The following PWWP3B variants were observed in gnomAD, a reference collection of about 807,000 sequenced individuals.
PWWP3B encodes the protein PWWP domain-containing DNA repair factor 3B.
A neutral mutation model predicts 15.7 loss-of-function variants in PWWP3B; 5 were observed. The ratio of observed to expected loss-of-function variants is 0.32; its 90% CI spans 0.17 to 0.67. PWWP3B has a LOEUF of 0.67. Among genes scored for constraint, PWWP3B ranks in the 30% least tolerant of loss-of-function variants. PWWP3B has a pLI of 0.74. For synonymous variants in PWWP3B, 203 were observed against 179.8 expected, an observed-to-expected ratio of 1.13 and a Z score of -1.03; for missense variants, 519 against 493.1, an observed-to-expected ratio of 1.05 and a Z score of -0.50.
chrX:106,183,011 C>G (rs1922298911), intron 2 of PWWP3B, among the ~76,000 whole-genome samples: 1 of 110,947 alleles, frequency 9.0e-6, no homozygotes, highest in South Asian at 3.9e-4. Context: ...TCCTGGGACT[C>G]CTGAGCTGAC....
chrX:106,168,495 CTGTGAGGGAATTAATATCTGTGTTT>C (rs1466450035), intron 1 of PWWP3B, 70 bp downstream of exon 1: 1 of 112,189 alleles, frequency 8.9e-6, no homozygotes, highest in Non-Finnish European at 1.9e-5. Context: ...GTCGTTGTTT[CTGTGAGGGAATTAATATCTGTGTTT>C]TGTGTTCCTT....
In PWWP3B at chrX:106,207,665, C is replaced by A; in HGVS notation, c.*142C>A. 1.9e-6 allele frequency: 1 copy of A among 521,115 alleles called. No homozygotes were observed. Among genetic ancestry groups the A allele is most frequent in the Non-Finnish European group, 2.9e-6 (1 of 348,891 alleles). The allele number at this position is 521,115 out of a possible 1,213,427, so 42.9% of individuals were successfully genotyped here. ...CACTTTTTTTTGAGATCTCTAGGAT[C>A]TGTGGTTATAATTACATCTTTATTT... On this transcript the variant is annotated 3_prime_UTR_variant, in exon 4 of 4. Transcript: ENST00000357175.
chrX:106,198,920 A>G (rs1923533912), intron 2 of PWWP3B, among the ~76,000 whole-genome samples: 1 of 111,581 alleles, frequency 9.0e-6, no homozygotes, highest in African/African-American at 3.3e-5. Context: ...TATATAATAA[A>G]ATAAATCTCT....
intron 2 of PWWP3B, among the ~76,000 whole-genome samples, chrX:106,201,004 C>T (rs929214420): frequency 9.2e-6 from 1 of 108,160 alleles, no homozygotes; most frequent in East Asian, 2.9e-4. Flanking sequence ...GCCGAGATCA[C>T]GCCACTGCAC....
At chrX:106,196,315 G>A (rs2147624772) in intron 2 of PWWP3B, among the ~76,000 whole-genome samples, 1 of 111,800 alleles carries the variant, frequency 8.9e-6, no homozygotes, top group South Asian at 3.7e-4. Flanking sequence ...GATCGCCAAT[G>A]TAATGCTAAA....
chrX:106,184,129 C>T (rs948414780), intron 2 of PWWP3B, among the ~76,000 whole-genome samples: 1 of 111,533 alleles, frequency 9.0e-6, no homozygotes, highest in Admixed American at 9.5e-5. Context: ...TCTCGCTTTT[C>T]CTTTTTGGCC....
In PWWP3B at chrX:106,207,288, A is replaced by C. The variant is rs1924099074; in HGVS notation, c.1856A>C (p.Gln619Pro). Residue 619 changes from glutamine to proline, a missense_variant, in exon 4 of 4, where the codon CAA (glutamine) becomes CCA (proline). Coordinates refer to ENST00000357175, the MANE Select transcript of PWWP3B (RefSeq NM_001171020.2). ...VVKYLQEVCN[Q>P]IDQIMPTWIK... ...AAATATTTACAAGAAGTCTGCAATC[A>C]AATAGATCAAATAATGCCAACTTGG... 1 of 1,209,246 alleles carries C rather than the reference A, an allele frequency of 8.3e-7. No homozygotes were observed. The highest frequency in any genetic ancestry group is 3.0e-5 in the East Asian group (1 of 33,810).
intron 2 of PWWP3B, among the ~76,000 whole-genome samples, chrX:106,173,202 C>A (rs1921711551): frequency 9.0e-6 from 1 of 111,215 alleles, no homozygotes; most frequent in African/African-American, 3.3e-5. Context: ...GTAGTGGCAG[C>A]TTAGAAAAGA....
At chrX:106,193,928 T>G (rs1447081917) in intron 2 of PWWP3B, among the ~76,000 whole-genome samples, 1 of 112,408 alleles carries the variant, frequency 8.9e-6, no homozygotes, top group Non-Finnish European at 1.9e-5. Context: ...CTGATGGGCT[T>G]CCCTTTGTGG....
chrX:106,207,670 G>A lies in PWWP3B; in HGVS notation c.*147G>A, dbSNP rs1251928721. 2.1e-6 allele frequency: 1 copy of A among 482,237 alleles called. No homozygotes were observed. The highest frequency in any genetic ancestry group is 3.1e-6 in the Non-Finnish European group (1 of 317,963). The allele number at this position is 482,237 out of a possible 1,213,427, so 39.7% of individuals were successfully genotyped here. Reference sequence around the variant, plus strand: ...TTTTTTGAGATCTCTAGGATCTGTGGTTATAATTACATCTTTATTTCCTTT... The same window carrying A: ...TTTTTTGAGATCTCTAGGATCTGTGATTATAATTACATCTTTATTTCCTTT... On this transcript the variant is annotated 3_prime_UTR_variant, in exon 4 of 4. Transcript: ENST00000357175.
In PWWP3B at chrX:106,206,999, A is replaced by G. The variant is rs201879149; in HGVS notation, c.1567A>G (p.Arg523Gly). The change falls in exon 4 of 4, where the codon AGG becomes GGG. Residue 523 changes from arginine to glycine, a missense_variant. Coordinates refer to ENST00000357175, the MANE Select transcript of PWWP3B (RefSeq NM_001171020.2). The part of the protein sequence containing the change: ...KFPKLHNEDA[R>G]EPMAVTSQTK... The stretch of plus-strand genomic sequence containing the variant: ...TCCAAAGCTGCATAATGAAGATGCC[A>G]GGGAACCGATGGCTGTAACTTCCCA... The G allele has an allele frequency of 5.3e-5, 64 of 1,208,888 alleles. No individual in the cohort carries two copies. Among genetic ancestry groups the G allele is most frequent in the Non-Finnish European group, 6.6e-5 (59 of 894,606 alleles).
chrX:106,176,829 T>G lies in PWWP3B; in HGVS notation c.-401+5690T>G, dbSNP rs927715979. 1.5e-4 allele frequency among the ~76,000 whole-genome samples: 17 copies of G among 111,787 alleles called. No individual in the cohort carries two copies. The East Asian group carries it at 4.8e-3, about 32-fold the overall frequency. On this transcript the variant is annotated intron_variant, in intron 2 of 3. Transcript: ENST00000357175. ...TGAAAGATGAATGAGAAGACCTGAA[T>G]AAAAAGAGAGATATACATCATGTGC...
chrX:106,197,488 T>A (rs1923449341), intron 2 of PWWP3B, among the ~76,000 whole-genome samples: 1 of 111,965 alleles, frequency 8.9e-6, no homozygotes, highest in Admixed American at 9.5e-5. Context: ...TGTGGGGTTG[T>A]ATGTCTGTCC....
intron 2 of PWWP3B, among the ~76,000 whole-genome samples, chrX:106,174,469 T>G (rs900176443): frequency 1.8e-5 from 2 of 112,152 alleles, no homozygotes; most frequent in African/African-American, 6.5e-5. Context: ...ATTTTGTGAA[T>G]ATTTTGTGAA....
At position 106,205,975 on chromosome X, in the gene PWWP3B, A is replaced by G; in HGVS notation, c.543A>G (p.Glu181=). 1.7e-6 allele frequency: 2 copies of G among 1,210,091 alleles called. No homozygotes were observed. The change falls in exon 4 of 4, where the codon GAA becomes GAG. Residue 181 remains glutamate, a synonymous_variant. Transcript: ENST00000357175. ...APTMVDTIPS[E]VETKSLQNSS... ...CAATGGTCGATACTATTCCAAGTGA[A>G]GTGGAAACAAAGTCATTACAAAACT...
At chrX:106,178,177 G>A (rs1921999025) in intron 2 of PWWP3B, among the ~76,000 whole-genome samples, 1 of 111,687 alleles carries the variant, frequency 9.0e-6, no homozygotes, top group Non-Finnish European at 1.9e-5. Context: ...CCTGCAGCCC[G>A]CTCTTTCAGT....
chrX:106,193,948 C>T (rs1473558918), intron 2 of PWWP3B, among the ~76,000 whole-genome samples: 2 of 111,980 alleles, frequency 1.8e-5, no homozygotes, highest in Non-Finnish European at 3.8e-5. Context: ...GGTAACCTCA[C>T]CTTTCTTTCT....
chrX:106,178,318 C>G (rs1393506655), intron 2 of PWWP3B, among the ~76,000 whole-genome samples: 1 of 112,355 alleles, frequency 8.9e-6, no homozygotes, highest in Non-Finnish European at 1.9e-5. Flanking sequence ...TGCATCCATA[C>G]AATGGCACGT....
chrX:106,175,385 C>T (rs1235425874), intron 2 of PWWP3B, among the ~76,000 whole-genome samples: 1 of 107,511 alleles, frequency 9.3e-6, no homozygotes, highest in Non-Finnish European at 1.9e-5. Context: ...GGACTACAGG[C>T]GCCAGCCACC....
Sources: allele counts gnomAD v4.1 joint callset (sites outside exome capture counted in the v4.1 genomes callset), GRCh38; gene constraint gnomAD v4.1.1; transcripts MANE v1.5; gene names NCBI Gene and HGNC (gene_info 2026-07-23, HGNC 2026-07-21).